The following ATP11A variants were observed in gnomAD, a reference collection of about 807,000 sequenced individuals.
ATP11A encodes the protein ATPase phospholipid transporting 11A.
ATP11A carries 81 observed loss-of-function variants against 154.4 expected under a neutral mutation model. The observed-to-expected ratio is 0.52, with a 90% confidence interval of 0.44 to 0.63. The LOEUF is 0.63. Ranked by LOEUF, ATP11A falls within the 30% of genes least tolerant of loss-of-function variation. The pLI, the probability that ATP11A is intolerant of heterozygous loss-of-function variation, is 0.00. For missense variants in ATP11A, 1,316 were observed against 1,474.3 expected (o/e 0.89, Z 1.76); for synonymous variants, 623 against 585.9 (o/e 1.06, Z -0.91).
At chr13:112,880,889 A>G in intron 29 of ATP11A, 4 of 1,010,994 alleles carry the variant, frequency 4.0e-6, no homozygotes, top group Non-Finnish European at 4.7e-6. Flanking sequence ...CACGCACGGC[A>G]CACAGCCTGA....
intron 8 of ATP11A, among the ~76,000 whole-genome samples, chr13:112,820,179 T>C (rs891464185): frequency 1.3e-5 from 2 of 152,194 alleles, no homozygotes; most frequent in African/African-American, 4.8e-5. Context: ...CGCGCAAGAC[T>C]CTGCCGAGAG....
intron 1 of ATP11A, among the ~76,000 whole-genome samples, chr13:112,709,420 C>T (rs1887498074): frequency 6.6e-6 from 1 of 152,182 alleles, no homozygotes; most frequent in African/African-American, 2.4e-5. Flanking sequence ...CTTTGTTTTC[C>T]TTCTTTCCTT....
chr13:112,822,987 G>A (rs2078838379), intron 8 of ATP11A, among the ~76,000 whole-genome samples: 1 of 152,094 alleles, frequency 6.6e-6, no homozygotes, highest in Non-Finnish European at 1.5e-5. Flanking sequence ...GCTGCTGACG[G>A]CACTGGTGGG....
chr13:112,706,108 G>A (rs1887114359), intron 1 of ATP11A, among the ~76,000 whole-genome samples: 1 of 152,174 alleles, frequency 6.6e-6, no homozygotes, highest in Non-Finnish European at 1.5e-5. Flanking sequence ...CAGTGAAAGA[G>A]ATCTTAACGG....
At chr13:112,881,182 C>T (rs1434597831) in intron 29 of ATP11A, 13 of 988,436 alleles carry the variant, frequency 1.3e-5, no homozygotes, top group Non-Finnish European at 1.6e-5. Context: ...GACCTGGGGA[C>T]GGCCCCTCAT....
chr13:112,715,584 C>T (rs1171910207), intron 1 of ATP11A, among the ~76,000 whole-genome samples: 3 of 104,080 alleles, frequency 2.9e-5, no homozygotes, highest in African/African-American at 9.8e-5. Flanking sequence ...GCTGATCCTC[C>T]CTACCTGGCT....
intron 1 of ATP11A, among the ~76,000 whole-genome samples, chr13:112,756,678 T>TG (rs2076841826): frequency 6.6e-6 from 1 of 152,034 alleles, no homozygotes; most frequent in African/African-American, 2.4e-5. Flanking sequence ...TCTTGGCTGG[T>TG]GGCTGAGGCT....
At chr13:112,774,323 G>T (rs9604437) in intron 1 of ATP11A, among the ~76,000 whole-genome samples, 8 of 152,192 alleles carry the variant, frequency 5.3e-5, no homozygotes, top group Admixed American at 1.3e-4. Context: ...CAAAGCTTCC[G>T]GTATCTCCAG....
At chr13:112,770,317 G>A (rs2077195868) in intron 1 of ATP11A, among the ~76,000 whole-genome samples, 1 of 152,206 alleles carries the variant, frequency 6.6e-6, no homozygotes, top group Admixed American at 6.5e-5. Context: ...GTGGATCATT[G>A]TGACCCAAGT....
chr13:112,865,397 C>T (rs2080295602), intron 25 of ATP11A, among the ~76,000 whole-genome samples: 1 of 152,132 alleles, frequency 6.6e-6, no homozygotes, highest in South Asian at 2.1e-4. Context: ...CAGCGGGGTC[C>T]ATCACCACAT....
intron 21 of ATP11A, 40 bp downstream of exon 21, chr13:112,857,960 G>A: frequency 6.2e-7 from 1 of 1,605,748 alleles, no homozygotes; most frequent in Non-Finnish European, 8.5e-7. Context: ...CTGGTGGCCA[G>A]GTCACCCCTT....
rs181823646 is a variant in ATP11A at position 112,838,224 on chromosome 13, G to A, written c.1705+1973G>A. On this transcript the variant is annotated intron_variant, in intron 16 of 29. Transcript: ENST00000375645. This position sits in a 1 kb window ranked among gnomAD's most constrained non-coding sequence, Gnocchi z 7.3. ...TTCCCCCCGGCTCGGATGAGGCGCAGTCCTGAGAGTCTCAGCCACTCGGAG... is the reference window on the plus strand; with the variant it reads ...TTCCCCCCGGCTCGGATGAGGCGCAATCCTGAGAGTCTCAGCCACTCGGAG... Among the ~76,000 whole-genome samples the A allele has an allele frequency of 9.8e-5, 15 of 152,318 alleles. No homozygotes were observed. The highest frequency in any genetic ancestry group is 9.1e-4 in the Admixed American group (14 of 15,308).
chr13:112,874,138 G>C (rs773191876), intron 27 of ATP11A, among the ~76,000 whole-genome samples: 7 of 152,254 alleles, frequency 4.6e-5, no homozygotes, highest in Non-Finnish European at 8.8e-5. Flanking sequence ...CAGCAAGATG[G>C]GGCCCAGGCA....
At chr13:112,774,539 C>T (rs1193981991) in intron 1 of ATP11A, among the ~76,000 whole-genome samples, 4 of 152,306 alleles carry the variant, frequency 2.6e-5, no homozygotes, top group South Asian at 2.1e-4. Flanking sequence ...TGCAAATGTG[C>T]GATGTGCTGC....
intron 25 of ATP11A, among the ~76,000 whole-genome samples, chr13:112,867,556 C>A (rs191450328): frequency 4.9e-4 from 75 of 152,324 alleles, no homozygotes; most frequent in African/African-American, 1.6e-3. Context: ...AGCGTCTCCG[C>A]CTTCTCGGAT....
chr13:112,696,362 G>C lies in ATP11A; in HGVS notation c.39+5907G>C, dbSNP rs914198874. ...GTGGGTGACCTTGCCCTGCTCTCCC[G>C]GGGAGAGCGGTGGTCACTGGTGGGA... On this transcript the variant is annotated intron_variant, in intron 1 of 29. Transcript: ENST00000375645. This position sits in a 1 kb window ranked among gnomAD's most constrained non-coding sequence, Gnocchi z 6.2. Among the ~76,000 whole-genome samples, 2 of 152,030 alleles carry C rather than the reference G, an allele frequency of 1.3e-5. No individual in the cohort carries two copies. The highest frequency in any genetic ancestry group is 4.8e-5 in the African/African-American group (2 of 41,386).
intron 1 of ATP11A, among the ~76,000 whole-genome samples, chr13:112,767,552 G>A (rs966499526): frequency 2.6e-5 from 4 of 151,562 alleles, no homozygotes; most frequent in Non-Finnish European, 5.9e-5. Flanking sequence ...GGATGTGGGG[G>A]TGCTGTTGGG....
intron 17 of ATP11A, among the ~76,000 whole-genome samples, chr13:112,847,988 G>T (rs931437206): frequency 4.6e-5 from 7 of 152,218 alleles, no homozygotes; most frequent in Admixed American, 4.6e-4. Flanking sequence ...CTACTAGGCA[G>T]GATGAGATGG....
chr13:112,815,316 A>T lies in ATP11A; in HGVS notation c.442-767A>T, dbSNP rs376531476. Reference sequence around the variant, plus strand: ...CACACCCTTCAGACACACAGTCCAGATCTGCGATACCTTCCACACCCTTCA... The same window carrying T: ...CACACCCTTCAGACACACAGTCCAGTTCTGCGATACCTTCCACACCCTTCA... On this transcript the variant is annotated intron_variant, in intron 5 of 29. Transcript: ENST00000375645. 6.7e-5 allele frequency among the ~76,000 whole-genome samples: 10 copies of T among 149,892 alleles called. No homozygotes were observed. The East Asian group carries it at 1.9e-3, about 29-fold the overall frequency.
Sources: gnomAD v4.1 joint callset for allele counts (sites outside exome capture counted in the v4.1 genomes callset) on GRCh38, gnomAD v4.1.1 for gene constraint, Gnocchi (gnomAD v3.1) non-coding constraint, MANE v1.5 for transcripts, NCBI Gene and HGNC (gene_info 2026-07-23, HGNC 2026-07-21) for gene names.